The following NFIC variants were observed in gnomAD, a reference collection of about 807,000 sequenced individuals.
NFIC encodes the protein nuclear factor I C, also known as nuclear factor 1 C-type.
Under a neutral mutation model 54.4 loss-of-function variants are expected in NFIC, and 12 were observed. The ratio of observed to expected loss-of-function variants is 0.22; its 90% CI spans 0.14 to 0.36. The LOEUF (loss-of-function observed/expected upper bound fraction) is 0.36, where lower values mean the gene tolerates loss of function less well. NFIC is among the 10% of genes least tolerant of loss of function. The pLI is 1.00. For missense variants in NFIC, 575 were observed against 718.2 expected, an observed-to-expected ratio of 0.80 and a Z score of 2.28; for synonymous variants, 322 against 319.2, an observed-to-expected ratio of 1.01 and a Z score of -0.09.
chr19:3,388,957 C>G (rs1289108186), intron 2 of NFIC, among the ~76,000 whole-genome samples: 1 of 151,786 alleles, frequency 6.6e-6, no homozygotes, highest in African/African-American at 2.4e-5. Flanking sequence ...GCGAGCTGAG[C>G]TCATGCCACT....
rs1294094936 is a variant in NFIC, at chr19:3,465,276, A to C, written c.*2507A>C. On this transcript the variant is annotated 3_prime_UTR_variant, in exon 11 of 11. Coordinates refer to ENST00000443272, the MANE Select transcript of NFIC (RefSeq NM_001245002.2). ...CTTCCGAGAATAAGTATTACCTTTA[A>C]ACAATATCAGCGCACACACATAGCT... The C allele has an allele frequency of 6.6e-6, 1 of 151,182 alleles. No individual in the cohort carries two copies. Among genetic ancestry groups the C allele is most frequent in the Non-Finnish European group, 1.5e-5 (1 of 67,814 alleles). 9.4% of individuals were successfully genotyped at this position (151,182 alleles called of 1,614,324 possible).
chr19:3,366,479 G>A, upstream of NFIC: 1 of 513,874 alleles, frequency 1.9e-6, no homozygotes, highest in Non-Finnish European at 3.4e-6. Flanking sequence ...GAGCAGGAGG[G>A]AGGAGGAGGG....
intron 1 of NFIC, 101 bp downstream of exon 1, chr19:3,366,767 C>T (rs559370277): frequency 3.0e-5 from 25 of 845,988 alleles, no homozygotes; most frequent in African/African-American, 2.7e-4. Flanking sequence ...AGGCGCGCGT[C>T]CCTCCCGCCA....
chr19:3,362,166 G>A (rs1237615206), upstream of NFIC, among the ~76,000 whole-genome samples: 4 of 152,186 alleles, frequency 2.6e-5, no homozygotes, highest in East Asian at 1.9e-4. Flanking sequence ...GTGATGGTGC[G>A]TATGTGACTC....
chr19:3,380,326 T>TC (rs1164323497), intron 1 of NFIC, among the ~76,000 whole-genome samples: 1 of 136,342 alleles, frequency 7.3e-6, no homozygotes, highest in African/African-American at 2.8e-5. Flanking sequence ...TTTTTTTTTT[T>TC]TTTTTTTTGA....
chr19:3,430,998 C>G (rs1360021604), intron 3 of NFIC, among the ~76,000 whole-genome samples: 1 of 151,522 alleles, frequency 6.6e-6, no homozygotes, highest in Non-Finnish European at 1.5e-5. Flanking sequence ...GGCCTTTTGT[C>G]TCTGGTGTCC....
At chr19:3,449,759 CAA>C (rs57195995) in intron 7 of NFIC, among the ~76,000 whole-genome samples, 18 of 88,618 alleles carry the variant, frequency 2.0e-4, no homozygotes, top group Admixed American at 2.6e-4. Context: ...GATTCCATCT[CAA>C]AAAAAAAAAA....
chr19:3,360,260 C>A (rs1599536334), intron 1 of NFIC, among the ~76,000 whole-genome samples: 1 of 145,634 alleles, frequency 6.9e-6, no homozygotes, highest in Admixed American at 6.8e-5. Context: ...TGGAGCCGGG[C>A]GGGCGGCCGC....
rs765424212 is a variant in NFIC at position 3,382,179 on chromosome 19, G to C, written c.498G>C (p.Pro166=). Residue 166 remains proline (P), a synonymous_variant, in exon 2 of 11, where the codon CCG becomes CCC. Transcript: ENST00000443272. ...QCGHPVLCVQ[P]HHIGVAVKEL... ...GTCACCCGGTCCTGTGCGTGCAGCC[G>C]CACCACATTGGCGTGGCCGTCAAGG... 4 of 1,611,778 alleles carry C rather than the reference G, an allele frequency of 2.5e-6. No homozygotes were observed. Among genetic ancestry groups the C allele is most frequent in the Non-Finnish European group, 3.4e-6 (4 of 1,179,916 alleles).
rs547892866 is a variant in NFIC, at chr19:3,369,725, C to G, written c.30+3059C>G. On this transcript the variant is annotated intron_variant, in intron 1 of 10. Transcript: ENST00000443272. This position sits in a 1 kb window ranked among gnomAD's most constrained non-coding sequence, Gnocchi z 4.3. ...CTGCCGGCGGGAAGGCCGGCCTCCC[C>G]GCGCCTGCTCTGGGCCTCCCTCCCT... Among the ~76,000 whole-genome samples the G allele has an allele frequency of 6.1e-4, 93 of 152,340 alleles. No homozygotes were observed. The Middle Eastern group carries it at 0.01, about 17-fold the overall frequency.
rs565598430 is a variant in NFIC at position 3,437,163 on chromosome 19, C to T, written c.958+1956C>T. Among the ~76,000 whole-genome samples the T allele has an allele frequency of 2.3e-4, 35 of 152,072 alleles. No individual in the cohort carries two copies. The South Asian group carries it at 4.4e-3, about 19-fold the overall frequency. Reference sequence around the variant, plus strand: ...CAGGCGGATCACGAGGTCAGGAGATCGAGACCATCCCGGCTAACACAGTGA... The same window carrying T: ...CAGGCGGATCACGAGGTCAGGAGATTGAGACCATCCCGGCTAACACAGTGA... On this transcript the variant is annotated intron_variant, in intron 6 of 10. Coordinates refer to ENST00000443272, the MANE Select transcript of NFIC (RefSeq NM_001245002.2).
At chr19:3,363,232 T>TGTGTGTGTGTGTGC (rs201714015), upstream of NFIC, among the ~76,000 whole-genome samples, 3,607 of 50,790 alleles carry the variant, frequency 0.071, 291 homozygotes, top group African/African-American at 0.11. Context: ...TATGTATGTG[T>TGTGTGTGTGTGTGC]ATGTGTGTGT....
intron 2 of NFIC, among the ~76,000 whole-genome samples, chr19:3,405,669 G>A (rs925381784): frequency 1.3e-5 from 2 of 151,748 alleles, no homozygotes; most frequent in Non-Finnish European, 2.9e-5. Flanking sequence ...GCACGATCTC[G>A]GCTCACTGCA....
chr19:3,386,096 C>T (rs959580083), intron 2 of NFIC, among the ~76,000 whole-genome samples: 8 of 151,874 alleles, frequency 5.3e-5, no homozygotes, highest in Admixed American at 3.3e-4. Flanking sequence ...TATGGAAAAC[C>T]CCAACTCCGG....
rs562395291 is a variant in NFIC, at chr19:3,463,960, C to T, written c.*1191C>T. On this transcript the variant is annotated 3_prime_UTR_variant, in exon 11 of 11. Coordinates refer to ENST00000443272, the MANE Select transcript of NFIC (RefSeq NM_001245002.2). ...TCCAGTCAACCCTCATCGCCGTGCCCCCCCAGAGCTAGAGAGATGGGGCCC... is the reference window on the plus strand; with the variant it reads ...TCCAGTCAACCCTCATCGCCGTGCCTCCCCAGAGCTAGAGAGATGGGGCCC... 4.1e-6 allele frequency: 4 copies of T among 985,080 alleles called. No homozygotes were observed. Among genetic ancestry groups the T allele is most frequent in the Admixed American group, 6.2e-5 (1 of 16,246 alleles). 61.0% of individuals were successfully genotyped at this position (985,080 alleles called of 1,614,324 possible).
intron 6 of NFIC, among the ~76,000 whole-genome samples, chr19:3,439,193 C>T (rs1470001053): frequency 6.7e-6 from 1 of 149,902 alleles, no homozygotes; most frequent in African/African-American, 2.5e-5. Flanking sequence ...AAAATAGCAT[C>T]ACATAGTGGT....
In NFIC at chr19:3,419,753, C is replaced by T. The variant is rs1013358510; in HGVS notation, c.563-5353C>T. Among the ~76,000 whole-genome samples the T allele has an allele frequency of 2.9e-4, 44 of 150,052 alleles. 1 individual carries two copies. Among genetic ancestry groups the T allele is most frequent in the African/African-American group, 7.6e-4 (31 of 40,742 alleles). ...GGCAGAGGCTGCAGTGAGCTGAGAT[C>T]GCACCATTGCACTCCAGCCTGGGCG... On this transcript the variant is annotated intron_variant, in intron 2 of 10. Transcript: ENST00000443272.
At chr19:3,359,637 G>A (rs763303158), upstream of NFIC, 6 of 1,335,770 alleles carry the variant, frequency 4.5e-6, no homozygotes, top group South Asian at 1.8e-5. Flanking sequence ...GCCGGGGACC[G>A]AGCGCGCTCG....
chr19:3,435,117 G>C lies in NFIC; in HGVS notation c.868G>C (p.Asp290His). ...KRHKSGSMEE[D>H]VDTSPGGDYY... ...GCACAAATCGGGCTCGATGGAGGAAGACGTGGACACGAGCCCTGGCGGCGA... is the reference window on the plus strand; with the variant it reads ...GCACAAATCGGGCTCGATGGAGGAACACGTGGACACGAGCCCTGGCGGCGA... Residue 290 changes from aspartate (D) to histidine (H), a missense_variant, in exon 6 of 11, where the codon GAC becomes CAC. Coordinates refer to ENST00000443272, the MANE Select transcript of NFIC (RefSeq NM_001245002.2). The C allele has an allele frequency of 1.2e-6, 2 of 1,606,238 alleles. No individual in the cohort carries two copies. Among genetic ancestry groups the C allele is most frequent in the Non-Finnish European group, 1.7e-6 (2 of 1,176,684 alleles).
Sources: gnomAD v4.1 joint callset for allele counts (sites outside exome capture counted in the v4.1 genomes callset) on GRCh38, gnomAD v4.1.1 for gene constraint, Gnocchi (gnomAD v3.1) non-coding constraint, MANE v1.5 for transcripts, NCBI Gene and HGNC (gene_info 2026-07-23, HGNC 2026-07-21) for gene names.